FHIT: variants seen among roughly 807,000 people sequenced by gnomAD.
FHIT encodes bis(5'-adenosyl)-triphosphatase.
FHIT carries 19 observed loss-of-function variants against 17.9 expected under a neutral mutation model. That is an observed-to-expected ratio of 1.06 (90% CI 0.74 to 1.56). The LOEUF (loss-of-function observed/expected upper bound fraction) is 1.56. Among genes scored for constraint, FHIT ranks in the 40% most tolerant of loss-of-function variants. FHIT has a pLI of 0.00. For synonymous variants in FHIT, 81 were observed against 69.7 expected, an observed-to-expected ratio of 1.16 and a Z score of -0.81; for missense variants, 248 against 189.2, an observed-to-expected ratio of 1.31 and a Z score of -1.82.
At chr3:60,601,691 A>G (rs1037136957) in intron 4 of FHIT, among the ~76,000 whole-genome samples, 1 of 152,220 alleles carries the variant, frequency 6.6e-6, no homozygotes, top group Non-Finnish European at 1.5e-5. Context: ...AGAAAATAAC[A>G]GAATGTAAAA....
At chr3:60,468,508 A>T (rs994861992) in intron 5 of FHIT, among the ~76,000 whole-genome samples, 1 of 152,118 alleles carries the variant, frequency 6.6e-6, no homozygotes, top group Non-Finnish European at 1.5e-5. Context: ...TGCAAATAAC[A>T]TCTTGTAACC....
intron 4 of FHIT, among the ~76,000 whole-genome samples, chr3:60,578,903 C>A (rs1382288676): frequency 6.6e-6 from 1 of 152,056 alleles, no homozygotes; most frequent in Non-Finnish European, 1.5e-5. Flanking sequence ...TAGATGTCTT[C>A]TTTTATATAC....
intron 4 of FHIT, among the ~76,000 whole-genome samples, chr3:60,664,500 T>C (rs906974766): frequency 3.3e-5 from 5 of 152,020 alleles, no homozygotes; most frequent in Admixed American, 6.6e-5. Flanking sequence ...TAATAATGAG[T>C]TGAAAAGTGT....
At chr3:61,022,051 C>T (rs1388263871) in intron 3 of FHIT, among the ~76,000 whole-genome samples, 2 of 152,038 alleles carry the variant, frequency 1.3e-5, no homozygotes, top group South Asian at 2.1e-4. Context: ...ATCAACGAAT[C>T]CAGTAGCTGG....
At chr3:61,006,895 C>G (rs1299151868) in intron 3 of FHIT, among the ~76,000 whole-genome samples, 1 of 151,822 alleles carries the variant, frequency 6.6e-6, no homozygotes, top group Non-Finnish European at 1.5e-5. Context: ...TTGATACTTT[C>G]GATTGGAAAG....
At chr3:59,977,700 A>C (rs570706771) in intron 7 of FHIT, among the ~76,000 whole-genome samples, 1 of 152,306 alleles carries the variant, frequency 6.6e-6, no homozygotes, top group South Asian at 2.1e-4. Context: ...CCCTTAAAAA[A>C]TCTAAAGCAA....
chr3:60,857,132 T>C (rs2106939845), intron 3 of FHIT, among the ~76,000 whole-genome samples: 1 of 152,220 alleles, frequency 6.6e-6, no homozygotes, highest in South Asian at 2.1e-4. Flanking sequence ...ATACATACAA[T>C]AAATGGCCAG....
chr3:60,475,449 C>G (rs1304925750), intron 5 of FHIT, among the ~76,000 whole-genome samples: 1 of 152,138 alleles, frequency 6.6e-6, no homozygotes, highest in African/African-American at 2.4e-5. Context: ...AACCAAAGCT[C>G]CATCTTTAGA....
At chr3:60,127,021 T>C (rs148910060) in intron 5 of FHIT, among the ~76,000 whole-genome samples, 92 of 152,312 alleles carry the variant, frequency 6.0e-4, no homozygotes, top group African/African-American at 2.1e-3. Flanking sequence ...AGAGAGCCCT[T>C]GGACACTCTT....
At chr3:60,075,548 GTAGAT>G (rs1345137360) in intron 5 of FHIT, among the ~76,000 whole-genome samples, 1 of 152,066 alleles carries the variant, frequency 6.6e-6, no homozygotes, top group African/African-American at 2.4e-5. Flanking sequence ...TTGGAAATCA[GTAGAT>G]TAAAGAAGGT....
intron 8 of FHIT, among the ~76,000 whole-genome samples, chr3:59,829,970 G>C (rs1701110226): frequency 6.6e-6 from 1 of 152,060 alleles, no homozygotes; most frequent in African/African-American, 2.4e-5. Context: ...CAGTTACTTG[G>C]GAGGCTGAGG....
intron 4 of FHIT, among the ~76,000 whole-genome samples, chr3:60,762,564 GC>G (rs1699695035): frequency 6.6e-6 from 1 of 152,170 alleles, no homozygotes; most frequent in Non-Finnish European, 1.5e-5. Flanking sequence ...GGGAAAATAA[GC>G]CCCTCCTTGG....
intron 4 of FHIT, among the ~76,000 whole-genome samples, chr3:60,561,777 C>T (rs1028714264): frequency 2.0e-5 from 3 of 152,108 alleles, no homozygotes; most frequent in Admixed American, 2.0e-4. Context: ...ATGGTACAGG[C>T]TTTGGCAGCC....
At position 61,156,964 on chromosome 3, in the gene FHIT, T is replaced by A. The variant is rs150866144; in HGVS notation, c.-164+43653A>T. Among the ~76,000 whole-genome samples the A allele has an allele frequency of 5.3e-5, 8 of 152,326 alleles. No individual in the cohort carries two copies. In the East Asian group the frequency reaches 1.5e-3, roughly 29 times the overall value. ...TGCCTACTAAAGTTTGGAAAACCAC[T>A]GTTTTGGGTCACTCAAAAAATGAAA... On this transcript the variant is annotated intron_variant, in intron 2 of 9. Coordinates refer to ENST00000492590, the MANE Select transcript of FHIT (RefSeq NM_002012.4).
At position 61,050,268 on chromosome 3, in the gene FHIT, G is replaced by A. The variant is rs752030265; in HGVS notation, c.-163-8169C>T. On this transcript the variant is annotated intron_variant, in intron 2 of 9. Coordinates refer to ENST00000492590, the MANE Select transcript of FHIT (RefSeq NM_002012.4). ...AAATTAAACACTGCCACAAAAAAGC[G>A]AACAGCCATCTTCAAAATATAGAGC... 1.2e-4 allele frequency among the ~76,000 whole-genome samples: 19 copies of A among 152,090 alleles called. No homozygotes were observed. The South Asian group carries it at 2.5e-3, about 20-fold the overall frequency.
intron 5 of FHIT, among the ~76,000 whole-genome samples, chr3:60,359,483 G>T (rs1159534078): frequency 6.6e-6 from 1 of 151,992 alleles, no homozygotes; most frequent in African/African-American, 2.4e-5. Flanking sequence ...GTTTCACCAT[G>T]TTGGCCAGGA....
At chr3:60,145,621 A>T (rs1008680261) in intron 5 of FHIT, among the ~76,000 whole-genome samples, 2 of 152,190 alleles carry the variant, frequency 1.3e-5, no homozygotes, top group East Asian at 1.9e-4. Flanking sequence ...CATAGGATTC[A>T]CATGTGCAAA....
At chr3:59,840,158 TGA>T (rs1390198336) in intron 8 of FHIT, among the ~76,000 whole-genome samples, 1 of 152,164 alleles carries the variant, frequency 6.6e-6, no homozygotes, top group Non-Finnish European at 1.5e-5. Flanking sequence ...GGTGAAATCT[TGA>T]CATCTCACTT....
chr3:59,764,269 A>C (rs1004616435), intron 8 of FHIT, among the ~76,000 whole-genome samples: 7 of 152,162 alleles, frequency 4.6e-5, no homozygotes, highest in African/African-American at 1.7e-4. Context: ...AATGCATACC[A>C]TATGTTTGGC....
Sources: gnomAD v4.1 joint callset for allele counts (sites outside exome capture counted in the v4.1 genomes callset) on GRCh38, gnomAD v4.1.1 for gene constraint, MANE v1.5 for transcripts, NCBI Gene and HGNC (gene_info 2026-07-23, HGNC 2026-07-21) for gene names.